ADARB1: variants seen among roughly 807,000 people sequenced by gnomAD.
ADARB1 encodes the protein adenosine deaminase RNA specific B1.
Under a neutral mutation model 52.4 loss-of-function variants are expected in ADARB1, and 10 were observed. That is an observed-to-expected ratio of 0.19 (90% CI 0.12 to 0.32). ADARB1 has a LOEUF of 0.32. ADARB1 is among the 10% of genes least tolerant of loss of function. ADARB1 has a pLI of 1.00. For missense variants in ADARB1, 643 were observed against 922.3 expected (o/e 0.70, Z 3.92); for synonymous variants, 349 against 371.1 (o/e 0.94, Z 0.68).
rs59507075 is a variant in ADARB1, at chr21:45,103,132, G to T, written c.-219-25270G>T. 3.1e-4 allele frequency among the ~76,000 whole-genome samples: 47 copies of T among 152,302 alleles called. 1 individual carries two copies. The East Asian group carries it at 7.7e-3, about 25-fold the overall frequency. On this transcript the variant is annotated intron_variant, in intron 1 of 10. Coordinates refer to ENST00000348831, the MANE Select transcript of ADARB1 (RefSeq NM_001112.4). Reference sequence around the variant, plus strand: ...AAGAGTCTGAGAAACTCACAGCCAAGAGGGGCCTAGGGAGCCATGACATCT... The same window carrying T: ...AAGAGTCTGAGAAACTCACAGCCAATAGGGGCCTAGGGAGCCATGACATCT...
Position 45,176,606 on chromosome 21 carries a change from A to G in ADARB1, c.905A>G (p.Asp302Gly). 6.2e-7 allele frequency: 1 copy of G among 1,613,998 alleles called. No individual in the cohort carries two copies. Among genetic ancestry groups the G allele is most frequent in the Non-Finnish European group, 8.5e-7 (1 of 1,179,962 alleles). ...GCCGCCATTTTTAACTTGCACTTGGATCAGACGCCATCTCGCCAGCCTATT... is the reference window on the plus strand; with the variant it reads ...GCCGCCATTTTTAACTTGCACTTGGGTCAGACGCCATCTCGCCAGCCTATT... ...ALAAIFNLHL[D>G]QTPSRQPIPS... The change falls in exon 4 of 11, where the codon GAT becomes GGT. Residue 302 changes from aspartate to glycine, a missense_variant. Physicochemically the swap from Asp to Gly is moderately conservative, Grantham distance 94 (BLOSUM62 -1). This residue lies in a region of ADARB1 where 380 missense variants were observed against 446.5 expected (regional missense o/e 0.85). Transcript: ENST00000348831. The surrounding 1 kb of genome is among the most constrained non-coding windows in gnomAD (Gnocchi z 5.8).
chr21:45,163,102 G>A (rs1264315054), intron 2 of ADARB1, among the ~76,000 whole-genome samples: 4 of 152,218 alleles, frequency 2.6e-5, no homozygotes, highest in African/African-American at 7.2e-5. Flanking sequence ...AGAAGAGGAT[G>A]CTAATAGCTG....
At chr21:45,177,328 C>G (rs981392171) in intron 4 of ADARB1, 2 of 152,514 alleles carry the variant, frequency 1.3e-5, no homozygotes, top group Admixed American at 6.5e-5. Context: ...TTTGAATTTC[C>G]TACATGGGCT....
At chr21:45,129,444 G>A (rs1421199207) in intron 2 of ADARB1, among the ~76,000 whole-genome samples, 2 of 152,234 alleles carry the variant, frequency 1.3e-5, no homozygotes, top group Non-Finnish European at 2.9e-5. Context: ...ATGAGATGAG[G>A]GGAAAGAGAA....
intron 2 of ADARB1, among the ~76,000 whole-genome samples, chr21:45,167,621 C>T (rs966611137): frequency 1.6e-4 from 24 of 152,022 alleles, no homozygotes; most frequent in Non-Finnish European, 3.1e-4. Flanking sequence ...CATGGTGGCA[C>T]ATCCCTGTAA....
intron 1 of ADARB1, among the ~76,000 whole-genome samples, chr21:45,097,646 C>A (rs2086823249): frequency 6.6e-6 from 1 of 152,006 alleles, no homozygotes; most frequent in African/African-American, 2.4e-5. Context: ...GGCCATGTGG[C>A]AAGGTGGAAG....
Position 45,167,480 on chromosome 21 carries a change from G to A in ADARB1, c.-47-4130G>A, listed in dbSNP as rs1163589684. Among the ~76,000 whole-genome samples the A allele has an allele frequency of 4.6e-5, 7 of 152,220 alleles. No homozygotes were observed. In the East Asian group the frequency reaches 5.8e-4, roughly 13 times the overall value. On this transcript the variant is annotated intron_variant, in intron 2 of 10. Transcript: ENST00000348831. ...ACTTTTTATTTTGAAGGCTGGGTGCGGTGACTCATGCCTGTAATCCCAGCA... is the reference window on the plus strand; with the variant it reads ...ACTTTTTATTTTGAAGGCTGGGTGCAGTGACTCATGCCTGTAATCCCAGCA...
chr21:45,222,854 A>G lies in ADARB1; in HGVS notation c.*657A>G, dbSNP rs1363191575. 1.3e-5 allele frequency: 13 copies of G among 985,396 alleles called. No individual in the cohort carries two copies. Among genetic ancestry groups the G allele is most frequent in the Non-Finnish European group, 1.6e-5 (13 of 830,006 alleles). The allele number at this position is 985,396 out of a possible 1,614,324, so 61.0% of individuals were successfully genotyped here. A position where few individuals can be genotyped will look rare whatever the true frequency, so the allele number is the denominator to read the frequency against. ...GGTGTAGCGTGGCCCTGTCATGCAC[A>G]TGGGGTCCCGCAGCAGTGACTGTGT... On this transcript the variant is annotated 3_prime_UTR_variant, in exon 11 of 11. Transcript: ENST00000348831.
intron 2 of ADARB1, among the ~76,000 whole-genome samples, chr21:45,165,101 G>T (rs1218852992): frequency 6.6e-6 from 1 of 152,148 alleles, no homozygotes; most frequent in Non-Finnish European, 1.5e-5. Flanking sequence ...AGCCACCCTA[G>T]AGTTGCCTTG....
Position 45,204,506 on chromosome 21 carries a change from C to T in ADARB1, c.1566-49C>T, listed in dbSNP as rs377661354. The T allele has an allele frequency of 4.4e-6, 7 of 1,583,314 alleles. No individual in the cohort carries two copies. Among genetic ancestry groups the T allele is most frequent in the South Asian group, 2.3e-5 (2 of 88,266 alleles). On this transcript the variant is annotated intron_variant, in intron 8 of 10. Transcript: ENST00000348831. The surrounding 1 kb of genome is among the most constrained non-coding windows in gnomAD (Gnocchi z 4.4). ...CACGCAGGCTTGGGCTGGGCTGCGT[C>T]GACACTGAGTCCGAGCTCCCTGAAG...
intron 1 of ADARB1, among the ~76,000 whole-genome samples, chr21:45,103,865 T>C (rs1409637287): frequency 1.3e-5 from 2 of 152,246 alleles, no homozygotes; most frequent in African/African-American, 2.4e-5. Context: ...TGTGTCCTTA[T>C]CTTCTGCTCC....
At chr21:45,195,198 A>G (rs917510590) in intron 8 of ADARB1, among the ~76,000 whole-genome samples, 1 of 152,126 alleles carries the variant, frequency 6.6e-6, no homozygotes, top group Non-Finnish European at 1.5e-5. Flanking sequence ...CCATCTGTAT[A>G]TCTTCTTGAA....
At chr21:45,087,467 A>G (rs546038840) in intron 1 of ADARB1, among the ~76,000 whole-genome samples, 90 of 152,274 alleles carry the variant, frequency 5.9e-4, no homozygotes, top group Non-Finnish European at 3.7e-4. Flanking sequence ...CTCCCTGCAC[A>G]CTTGTGCAGA....
At chr21:45,148,004 C>G (rs923359552) in intron 2 of ADARB1, among the ~76,000 whole-genome samples, 1 of 152,074 alleles carries the variant, frequency 6.6e-6, no homozygotes, top group Non-Finnish European at 1.5e-5. Flanking sequence ...CGGTACAGCC[C>G]TCTCGAACTC....
intron 3 of ADARB1, among the ~76,000 whole-genome samples, chr21:45,173,438 CCT>C (rs1362236357): frequency 6.6e-6 from 1 of 151,912 alleles, no homozygotes; most frequent in African/African-American, 2.4e-5. Context: ...TCAGTGTGCC[CCT>C]GAGGTGAATA....
At chr21:45,151,153 C>T (rs2090263874) in intron 2 of ADARB1, among the ~76,000 whole-genome samples, 1 of 152,180 alleles carries the variant, frequency 6.6e-6, no homozygotes, top group African/African-American at 2.4e-5. Context: ...CTGGCTTGAG[C>T]CACTGGGTGT....
At chr21:45,140,830 ATAAAT>A (rs907848660) in intron 2 of ADARB1, among the ~76,000 whole-genome samples, 3 of 152,124 alleles carry the variant, frequency 2.0e-5, no homozygotes, top group African/African-American at 7.2e-5. Flanking sequence ...ATTTGATATA[ATAAAT>A]TAAGTCTGCG....
chr21:45,124,787 A>ATGTGTGTGTGTGTGTGTGTGTGTG (rs56113860), intron 1 of ADARB1, among the ~76,000 whole-genome samples: 1 of 135,706 alleles, frequency 7.4e-6, no homozygotes, highest in East Asian at 2.0e-4. Flanking sequence ...GTGTGTGTGT[A>ATGTGTGTGTGTGTGTGTGTGTGTG]TGTGTGTGTG....
In ADARB1 at chr21:45,176,282, C is replaced by A. The variant is rs745338791; in HGVS notation, c.581C>A (p.Ser194Tyr). 1 of 1,614,172 alleles carries A rather than the reference C, an allele frequency of 6.2e-7. No homozygotes were observed. The highest frequency in any genetic ancestry group is 8.5e-7 in the Non-Finnish European group (1 of 1,180,024). Residue 194 changes from serine (S) to tyrosine (Y), a missense_variant, in exon 4 of 11, where the codon TCC becomes TAC. By Grantham distance (144) the Ser-to-Tyr change is moderately radical. This residue lies in a region of ADARB1 where 380 missense variants were observed against 446.5 expected (regional missense o/e 0.85). Transcript: ENST00000348831. The surrounding 1 kb of genome is among the most constrained non-coding windows in gnomAD (Gnocchi z 5.8). Reference sequence around the variant, plus strand: ...GCGGAGCCTCCCTTTTACGTGGGCTCCAATGGGGATGACTCCTTCAGTTCC... The same window carrying A: ...GCGGAGCCTCCCTTTTACGTGGGCTACAATGGGGATGACTCCTTCAGTTCC... ...DKAEPPFYVGSNGDDSFSSSG... is the reference protein window; with the variant it reads ...DKAEPPFYVGYNGDDSFSSSG...
Sources: gnomAD v4.1 joint callset for allele counts (sites outside exome capture counted in the v4.1 genomes callset) on GRCh38, gnomAD v4.1.1 for gene constraint, gnomAD v4.1.1 regional missense constraint, Gnocchi (gnomAD v3.1) non-coding constraint, MANE v1.5 for transcripts, NCBI Gene and HGNC (gene_info 2026-07-23, HGNC 2026-07-21) for gene names.